The following KHDC1 variants were observed in gnomAD, a reference collection of about 807,000 sequenced individuals.
The protein encoded by KHDC1 is KH domain containing 1, also known as KH homology domain-containing protein 1.
Under a neutral mutation model 24.7 loss-of-function variants are expected in KHDC1, and 21 were observed. The observed-to-expected ratio is 0.85, with a 90% confidence interval of 0.60 to 1.23. The LOEUF is 1.23. Among genes scored for constraint, KHDC1 ranks in the 50% most tolerant of loss-of-function variants. The pLI is 0.00. For synonymous variants in KHDC1, 98 were observed against 111.7 expected, an observed-to-expected ratio of 0.88 and a Z score of 0.77; for missense variants, 274 against 298.5, an observed-to-expected ratio of 0.92 and a Z score of 0.61.
intron 2 of KHDC1, among the ~76,000 whole-genome samples, chr6:73,282,076 G>T (rs1037664928): frequency 6.6e-6 from 1 of 151,512 alleles, no homozygotes; most frequent in Non-Finnish European, 1.5e-5. Flanking sequence ...AAATTAGCCG[G>T]GCGTGGTGGC....
intron 2 of KHDC1, among the ~76,000 whole-genome samples, chr6:73,246,117 C>T (rs1156448093): frequency 6.6e-6 from 1 of 152,174 alleles, no homozygotes; most frequent in Non-Finnish European, 1.5e-5. Flanking sequence ...AGAAAAACCT[C>T]TTAATTTCCA....
At chr6:73,258,835 CTG>C (rs1766927291) in intron 2 of KHDC1, among the ~76,000 whole-genome samples, 1 of 152,226 alleles carries the variant, frequency 6.6e-6, no homozygotes, top group Non-Finnish European at 1.5e-5. Flanking sequence ...GAGTGCAAGG[CTG>C]TGAGCCTTCT....
chr6:73,245,611 G>C (rs781069004), intron 2 of KHDC1, among the ~76,000 whole-genome samples: 3 of 152,198 alleles, frequency 2.0e-5, no homozygotes, highest in Non-Finnish European at 4.4e-5. Context: ...AAGTCTTGGA[G>C]AGCGTTCTCA....
chr6:73,262,041 A>C (rs909577044), intron 2 of KHDC1, among the ~76,000 whole-genome samples: 1 of 152,118 alleles, frequency 6.6e-6, no homozygotes, highest in African/African-American at 2.4e-5. Context: ...ATGGTGCCAC[A>C]GCCCTCCAGC....
intron 2 of KHDC1, among the ~76,000 whole-genome samples, chr6:73,266,257 A>G (rs946590144): frequency 1.4e-4 from 21 of 152,232 alleles, no homozygotes; most frequent in African/African-American, 4.8e-4. Flanking sequence ...AAAACAAGGG[A>G]GATGTTGGAC....
At chr6:73,273,539 G>T (rs955448525) in intron 2 of KHDC1, among the ~76,000 whole-genome samples, 3 of 151,120 alleles carry the variant, frequency 2.0e-5, no homozygotes, top group Non-Finnish European at 2.9e-5. Context: ...GGCACGGGCC[G>T]GGCGCAGTGG....
intron 2 of KHDC1, among the ~76,000 whole-genome samples, chr6:73,282,640 C>G (rs1347631644): frequency 6.6e-6 from 1 of 152,146 alleles, no homozygotes; most frequent in Non-Finnish European, 1.5e-5. Flanking sequence ...CTAAACTGCT[C>G]TTAAGATCAG....
At chr6:73,295,225 G>A (rs1239415753) in intron 1 of KHDC1, among the ~76,000 whole-genome samples, 1 of 152,110 alleles carries the variant, frequency 6.6e-6, no homozygotes, top group Non-Finnish European at 1.5e-5. Context: ...GCCATGTGAT[G>A]TGCCTACTCC....
intron 2 of KHDC1, chr6:73,284,735 G>A (rs1295626857): frequency 6.6e-6 from 1 of 152,072 alleles, no homozygotes; most frequent in African/African-American, 2.4e-5. Flanking sequence ...CAAACTCCAG[G>A]TATGCTCTTA....
At chr6:73,281,404 T>C (rs1767406209) in intron 2 of KHDC1, among the ~76,000 whole-genome samples, 1 of 149,732 alleles carries the variant, frequency 6.7e-6, no homozygotes, top group Non-Finnish European at 1.5e-5. Context: ...TTCCTGAAGG[T>C]CAAGAGTTCA....
At chr6:73,247,855 CAA>C (rs60650206) in intron 2 of KHDC1, among the ~76,000 whole-genome samples, 30 of 89,540 alleles carry the variant, frequency 3.4e-4, no homozygotes, top group Middle Eastern at 6.3e-3. Context: ...GACTCTGTCT[CAA>C]AAAAAAAAAA....
At position 73,250,374 on chromosome 6, in the gene KHDC1, T is replaced by A. The variant is rs184994210; in HGVS notation, c.207-7844A>T. On this transcript the variant is annotated intron_variant, in intron 2 of 4. Transcript: ENST00000370384. Reference sequence around the variant, plus strand: ...TAAAGGAGGCTTCCAGCAGAGGTTGTCTCATTTCTGAAGAGAGACACAAAA... The same window carrying A: ...TAAAGGAGGCTTCCAGCAGAGGTTGACTCATTTCTGAAGAGAGACACAAAA... Among the ~76,000 whole-genome samples the A allele has an allele frequency of 5.3e-5, 8 of 152,330 alleles. No individual in the cohort carries two copies. In the East Asian group the frequency reaches 1.5e-3, roughly 29 times the overall value.
At chr6:73,250,352 AG>A (rs1766756812) in intron 2 of KHDC1, among the ~76,000 whole-genome samples, 1 of 152,264 alleles carries the variant, frequency 6.6e-6, no homozygotes, top group South Asian at 2.1e-4. Flanking sequence ...CAAAACCTAA[AG>A]GAGGCTTCCA....
At chr6:73,309,465 T>A in intron 1 of KHDC1, 1 of 1,331,440 alleles carries the variant, frequency 7.5e-7, no homozygotes. Context: ...GCTGGAGTGA[T>A]CCTGAAAGAT....
In KHDC1 at chr6:73,244,753, G is replaced by A. The variant is rs1023570127; in HGVS notation, c.207-2223C>T. ...TTTGAGACCAGACCAGGCAATAAAG[G>A]AAGACTTCATCTTTACTAAAAACTA... On this transcript the variant is annotated intron_variant, in intron 2 of 4. Transcript: ENST00000370384. Among the ~76,000 whole-genome samples, 19 of 152,038 alleles carry A rather than the reference G, an allele frequency of 1.2e-4. 1 individual carries two copies. The highest frequency in any genetic ancestry group is 1.2e-3 in the Admixed American group (19 of 15,246).
chr6:73,296,332 AG>A (rs1767758340), intron 1 of KHDC1, among the ~76,000 whole-genome samples: 1 of 151,110 alleles, frequency 6.6e-6, no homozygotes. Context: ...GCACATATCT[AG>A]TCCCAGCTAC....
At position 73,253,628 on chromosome 6, in the gene KHDC1, C is replaced by A. The variant is rs1200673732; in HGVS notation, c.207-11098G>T. Among the ~76,000 whole-genome samples the A allele has an allele frequency of 6.0e-5, 9 of 150,764 alleles. No individual in the cohort carries two copies. The East Asian group carries it at 9.9e-4, about 17-fold the overall frequency. On this transcript the variant is annotated intron_variant, in intron 2 of 4. Coordinates refer to ENST00000370384, the Ensembl canonical transcript of KHDC1. ...AAAAATCCATTTGAGGCCAGGTGCACTAAGTCACACCTGTAATCCCAGCAC... is the reference window on the plus strand; with the variant it reads ...AAAAATCCATTTGAGGCCAGGTGCAATAAGTCACACCTGTAATCCCAGCAC...
intron 2 of KHDC1, among the ~76,000 whole-genome samples, chr6:73,289,593 T>A (rs1767598671): frequency 6.6e-6 from 1 of 151,644 alleles, no homozygotes. Flanking sequence ...GAGGTTGCAG[T>A]GAGCCATGAT....
At chr6:73,261,834 C>T (rs1352550082) in intron 2 of KHDC1, among the ~76,000 whole-genome samples, 5 of 151,684 alleles carry the variant, frequency 3.3e-5, no homozygotes, top group Admixed American at 2.6e-4. Flanking sequence ...ATCACTTGAA[C>T]CCGGGAGATA....
Sources: allele counts gnomAD v4.1 joint callset (sites outside exome capture counted in the v4.1 genomes callset), GRCh38; gene constraint gnomAD v4.1.1; transcripts MANE v1.5; gene names NCBI Gene and HGNC (gene_info 2026-07-23, HGNC 2026-07-21).